The following ATRX variants were observed in gnomAD, a reference collection of about 807,000 sequenced individuals.
ATRX encodes the protein ATRX chromatin remodeler.
Under a neutral mutation model 172.6 loss-of-function variants are expected in ATRX, and 12 were observed. That is an observed-to-expected ratio of 0.07 (90% CI 0.04 to 0.11). The LOEUF is 0.11. ATRX is among the 10% of genes least tolerant of loss of function. The pLI is 1.00. For missense variants in ATRX, 1,368 were observed against 1,767.4 expected (o/e 0.77, Z 4.05); for synonymous variants, 674 against 594.7 (o/e 1.13, Z -1.94).
chrX:77,568,744 A>C (rs545374937), intron 28 of ATRX, among the ~76,000 whole-genome samples: 1 of 111,868 alleles, frequency 8.9e-6, no homozygotes, highest in East Asian at 2.8e-4. Flanking sequence ...CTATATAAAA[A>C]GAATTATCCT....
chrX:77,594,180 A>G (rs1268895656), intron 25 of ATRX: 5 of 161,686 alleles, frequency 3.1e-5, no homozygotes, highest in Non-Finnish European at 5.8e-5. Context: ...AGACCCAAAG[A>G]GAAGAGAAAC....
chrX:77,569,336 A>G (rs1329117818), intron 28 of ATRX, among the ~76,000 whole-genome samples: 1 of 111,668 alleles, frequency 9.0e-6, no homozygotes, highest in Admixed American at 9.5e-5. Flanking sequence ...AGAGCTGAAA[A>G]TATCGGAAGC....
At chrX:77,718,081 T>C (rs2073539349) in intron 1 of ATRX, among the ~76,000 whole-genome samples, 1 of 111,302 alleles carries the variant, frequency 9.0e-6, no homozygotes, top group Non-Finnish European at 1.9e-5. Flanking sequence ...AGATGTAGAT[T>C]ATCACTTCAA....
chrX:77,707,746 A>G (rs1557157832), intron 2 of ATRX, among the ~76,000 whole-genome samples: 1 of 111,845 alleles, frequency 8.9e-6, no homozygotes, highest in Non-Finnish European at 1.9e-5. Flanking sequence ...GACCCTGTCA[A>G]AAAGAAAAAG....
chrX:77,665,881 T>C (rs782765764), intron 10 of ATRX, among the ~76,000 whole-genome samples: 2 of 112,012 alleles, frequency 1.8e-5, no homozygotes, highest in East Asian at 5.6e-4. Flanking sequence ...CAAAAACTTG[T>C]AGCTGAGATG....
intron 1 of ATRX, among the ~76,000 whole-genome samples, chrX:77,763,596 G>A (rs1481740530): frequency 5.6e-5 from 6 of 106,420 alleles, no homozygotes; most frequent in Admixed American, 2.0e-4. Context: ...TCGGCCTCCC[G>A]AGTAGCTAGG....
intron 2 of ATRX, among the ~76,000 whole-genome samples, chrX:77,716,659 CTTGA>C (rs2073445840): frequency 9.0e-6 from 1 of 110,640 alleles, no homozygotes; most frequent in Non-Finnish European, 1.9e-5. Flanking sequence ...AGCAGAATAG[CTTGA>C]GCCCAAGAGG....
Position 77,593,768 on chromosome X carries a change from A to T in ATRX, c.6038T>A (p.Val2013Asp). 1 of 1,210,262 alleles carries T rather than the reference A, an allele frequency of 8.3e-7. No homozygotes were observed. Reference sequence around the variant, plus strand: ...TACCATTTTCCCAGAATGCTCTAAAACCTCAGCATCAGCATCTGTAACAAA... The same window carrying T: ...TACCATTTTCCCAGAATGCTCTAAATCCTCAGCATCAGCATCTGTAACAAA... Reference protein sequence around the residue: ...KDFVTDADAEVLEHSGKMVLL... With the variant: ...KDFVTDADAEDLEHSGKMVLL... Residue 2013 changes from valine (V) to aspartate (D), a missense_variant, in exon 26 of 35, where the codon GTT (valine) becomes GAT (aspartate). Transcript: ENST00000373344.
chrX:77,540,260 G>T (rs141000618), intron 30 of ATRX, among the ~76,000 whole-genome samples: 21 of 111,662 alleles, frequency 1.9e-4, no homozygotes, highest in Non-Finnish European at 4.0e-4. Context: ...GCACCAAAAA[G>T]AGCTAACTAT....
At chrX:77,656,492 T>A in intron 13 of ATRX, 68 bp downstream of exon 13, 2 of 814,209 alleles carry the variant, frequency 2.5e-6, no homozygotes, top group Non-Finnish European at 3.7e-6. Flanking sequence ...ACAGTAACCA[T>A]ATAAATCATT....
At chrX:77,621,848 A>AC (rs2067596617) in intron 19 of ATRX, among the ~76,000 whole-genome samples, 1 of 108,797 alleles carries the variant, frequency 9.2e-6, no homozygotes, top group Non-Finnish European at 1.9e-5. Flanking sequence ...TAGTAAAAAA[A>AC]AACAACAACA....
rs1569538747 is a variant in ATRX, at chrX:77,681,942, T to C, written c.3314A>G (p.Gln1105Arg). The C allele has an allele frequency of 3.3e-6, 4 of 1,210,984 alleles. No individual in the cohort carries two copies. In the Admixed American group the frequency reaches 8.7e-5, roughly 26 times the overall value. ...KLLGKSSRKR[Q>R]DCSSSDTEKY... ...CTCAGTATCAGATGATGAACAATCTTGTCTCTTCCTTGAACTCTTTCCAAG... is the reference window on the plus strand; with the variant it reads ...CTCAGTATCAGATGATGAACAATCTCGTCTCTTCCTTGAACTCTTTCCAAG... Residue 1105 changes from glutamine to arginine, a missense_variant, in exon 9 of 35, where the codon CAA becomes CGA. Gln to Arg is a conservative substitution (Grantham distance 43, BLOSUM62 1). Coordinates refer to ENST00000373344, the MANE Select transcript of ATRX (RefSeq NM_000489.6).
At chrX:77,681,176 C>G (rs1284178478) in intron 9 of ATRX, among the ~76,000 whole-genome samples, 1 of 111,705 alleles carries the variant, frequency 9.0e-6, no homozygotes, top group South Asian at 3.7e-4. Context: ...CAAGCACTCA[C>G]TTCCATTATA....
intron 1 of ATRX, among the ~76,000 whole-genome samples, chrX:77,781,441 C>CAAAAAA (rs781859880): frequency 3.5e-5 from 1 of 28,904 alleles, no homozygotes; most frequent in Non-Finnish European, 6.8e-5. Context: ...GACTCTGTCT[C>CAAAAAA]AAAAAAAAAA....
chrX:77,514,435 A>C (rs1557038202), intron 34 of ATRX, among the ~76,000 whole-genome samples: 1 of 111,816 alleles, frequency 8.9e-6, no homozygotes, highest in Non-Finnish European at 1.9e-5. Context: ...CTGAATAGAC[A>C]GCTCAGAAAT....
At chrX:77,681,020 T>C (rs959253863) in intron 9 of ATRX, among the ~76,000 whole-genome samples, 2 of 111,586 alleles carry the variant, frequency 1.8e-5, no homozygotes, top group Admixed American at 1.9e-4. Context: ...CATTAGAAAC[T>C]AGTTAATAAG....
chrX:77,773,713 C>A (rs1017678250), intron 1 of ATRX, among the ~76,000 whole-genome samples: 27 of 109,297 alleles, frequency 2.5e-4, no homozygotes, highest in Non-Finnish European at 4.0e-4. Context: ...GATCGCACGT[C>A]TGCACACCAG....
At chrX:77,513,786 G>A (rs2062959046) in intron 34 of ATRX, among the ~76,000 whole-genome samples, 1 of 111,449 alleles carries the variant, frequency 9.0e-6, no homozygotes, top group Non-Finnish European at 1.9e-5. Flanking sequence ...ATAAATAAAG[G>A]TTATCCAAAT....
At position 77,572,277 on chromosome X, in the gene ATRX, C is replaced by T. The variant is rs185060970; in HGVS notation, c.6326+1973G>A. Among the ~76,000 whole-genome samples the T allele has an allele frequency of 7.3e-3, 803 of 110,742 alleles. 5 individuals are homozygous for T. The highest frequency in any genetic ancestry group is 0.012 in the Non-Finnish European group (626 of 52,740). The stretch of plus-strand genomic sequence containing the variant: ...ACTTTTTGAGTGCCAACGTAACACT[C>T]GAAGAAAATGCTCATTGGGGCATTT... On this transcript the variant is annotated intron_variant, in intron 28 of 34. Transcript: ENST00000373344.
Sources: gnomAD v4.1 joint callset for allele counts (sites outside exome capture counted in the v4.1 genomes callset) on GRCh38, gnomAD v4.1.1 for gene constraint, MANE v1.5 for transcripts, NCBI Gene and HGNC (gene_info 2026-07-23, HGNC 2026-07-21) for gene names.